XYLT1: variants seen among roughly 807,000 people sequenced by gnomAD.
XYLT1 encodes the protein beta-D-xylosyltransferase 1.
A neutral mutation model predicts 91.3 loss-of-function variants in XYLT1; 36 were observed. That is an observed-to-expected ratio of 0.39 (90% CI 0.30 to 0.52). XYLT1 has a LOEUF of 0.52. Ranked by LOEUF, XYLT1 falls within the 20% of genes least tolerant of loss-of-function variation. The pLI is 0.68. For missense variants in XYLT1, 1,242 were observed against 1,284.5 expected, an observed-to-expected ratio of 0.97 and a Z score of 0.51; for synonymous variants, 588 against 532.0, an observed-to-expected ratio of 1.11 and a Z score of -1.45.
intron 6 of XYLT1, among the ~76,000 whole-genome samples, chr16:17,151,726 G>T (rs2031287853): frequency 6.6e-6 from 1 of 152,190 alleles, no homozygotes; most frequent in Non-Finnish European, 1.5e-5. Flanking sequence ...AGCTAGGGAG[G>T]CAGCTCAGAT....
At chr16:17,439,207 GCAT>G (rs922635216) in intron 1 of XYLT1, among the ~76,000 whole-genome samples, 5 of 152,148 alleles carry the variant, frequency 3.3e-5, no homozygotes, top group Non-Finnish European at 7.4e-5. Context: ...TCTTCCTCCT[GCAT>G]CCATGGTGGA....
At position 17,208,285 on chromosome 16, in the gene XYLT1, C is replaced by T. The variant is rs143020618; in HGVS notation, c.914-7631G>A. 2.2e-3 allele frequency among the ~76,000 whole-genome samples: 341 copies of T among 152,060 alleles called. 1 individual carries two copies. Among genetic ancestry groups the T allele is most frequent in the African/African-American group, 7.8e-3 (324 of 41,458 alleles). On this transcript the variant is annotated intron_variant, in intron 3 of 11. Transcript: ENST00000261381. Reference sequence around the variant, plus strand: ...GGTGTGAGCTACTGTGCCTGGCCCCCATCCCTTCTTTGAGTTCCCTGTCAC... The same window carrying T: ...GGTGTGAGCTACTGTGCCTGGCCCCTATCCCTTCTTTGAGTTCCCTGTCAC...
intron 1 of XYLT1, among the ~76,000 whole-genome samples, chr16:17,443,354 G>A (rs965142342): frequency 1.3e-5 from 2 of 152,176 alleles, no homozygotes; most frequent in African/African-American, 4.8e-5. Context: ...CCCGTGTCGA[G>A]GGAGGGACCT....
At chr16:17,171,818 T>C (rs879651531) in intron 5 of XYLT1, among the ~76,000 whole-genome samples, 2 of 152,212 alleles carry the variant, frequency 1.3e-5, no homozygotes, top group African/African-American at 2.4e-5. Context: ...GGGTAAAATT[T>C]CAATTGTGCA....
chr16:17,134,425 C>A, intron 9 of XYLT1, 48 bp downstream of exon 9: 1 of 1,603,454 alleles, frequency 6.2e-7, no homozygotes, highest in Non-Finnish European at 8.5e-7. Context: ...CCCTGAGCCT[C>A]CCCTCCTGCT....
intron 2 of XYLT1, among the ~76,000 whole-genome samples, chr16:17,288,672 C>T (rs969973050): frequency 1.3e-5 from 2 of 152,138 alleles, no homozygotes; most frequent in African/African-American, 4.8e-5. Context: ...GTCTTGGAAC[C>T]CTGTCACTGC....
Position 17,108,032 on chromosome 16 carries a change from G to C in XYLT1, c.*663C>G, listed in dbSNP as rs1966801394. On this transcript the variant is annotated 3_prime_UTR_variant, in exon 12 of 12. Coordinates refer to ENST00000261381, the MANE Select transcript of XYLT1 (RefSeq NM_022166.4). The stretch of plus-strand genomic sequence containing the variant: ...CTGAGAGGCTCAGAGCTCTCCTAAG[G>C]CTGCAGCCTCCATGGGAAAGGGCCC... The C allele has an allele frequency of 1.3e-5, 2 of 152,626 alleles. No individual in the cohort carries two copies. Among genetic ancestry groups the C allele is most frequent in the African/African-American group, 2.4e-5 (1 of 41,424 alleles). 9.5% of individuals were successfully genotyped at this position (152,626 alleles called of 1,614,324 possible).
chr16:17,313,118 G>A (rs1208524400), intron 2 of XYLT1, among the ~76,000 whole-genome samples: 1 of 152,200 alleles, frequency 6.6e-6, no homozygotes, highest in Non-Finnish European at 1.5e-5. Flanking sequence ...CTGCTCTCAG[G>A]TTTCTGGTCT....
intron 2 of XYLT1, among the ~76,000 whole-genome samples, chr16:17,333,308 A>G (rs2034928368): frequency 6.6e-6 from 1 of 152,226 alleles, no homozygotes; most frequent in Non-Finnish European, 1.5e-5. Context: ...CCATATGGAA[A>G]AAGTATCAAA....
At chr16:17,142,482 G>A (rs1401069003) in intron 6 of XYLT1, among the ~76,000 whole-genome samples, 1 of 142,334 alleles carries the variant, frequency 7.0e-6, no homozygotes, top group Non-Finnish European at 1.5e-5. Flanking sequence ...AGCTCAGGCT[G>A]GAGTGCAGTG....
chr16:17,459,084 G>A (rs2036781762), intron 1 of XYLT1, among the ~76,000 whole-genome samples: 2 of 152,086 alleles, frequency 1.3e-5, no homozygotes, highest in South Asian at 4.1e-4. Flanking sequence ...CAATATTTAA[G>A]AAGTGAGCCA....
At chr16:17,241,250 C>T (rs1321283331) in intron 3 of XYLT1, among the ~76,000 whole-genome samples, 4 of 152,232 alleles carry the variant, frequency 2.6e-5, no homozygotes, top group Non-Finnish European at 5.9e-5. Flanking sequence ...TTCCTGTGTT[C>T]ACGGCAATAA....
chr16:17,132,454 C>T (rs1456369374), intron 9 of XYLT1, among the ~76,000 whole-genome samples: 1 of 150,934 alleles, frequency 6.6e-6, no homozygotes, highest in Non-Finnish European at 1.5e-5. Context: ...CCATCACACA[C>T]AGCAGGTTCA....
At chr16:17,378,660 T>G (rs2035632805) in intron 1 of XYLT1, among the ~76,000 whole-genome samples, 2 of 152,236 alleles carry the variant, frequency 1.3e-5, no homozygotes, top group African/African-American at 4.8e-5. Context: ...CTTAACTCTT[T>G]GTAACTCATG....
At chr16:17,345,438 C>G (rs1467104319) in intron 2 of XYLT1, among the ~76,000 whole-genome samples, 2 of 152,210 alleles carry the variant, frequency 1.3e-5, no homozygotes, top group African/African-American at 4.8e-5. Flanking sequence ...CACAGGGATG[C>G]AGGAGGCAGT....
At chr16:17,143,085 T>C (rs2031029324) in intron 6 of XYLT1, among the ~76,000 whole-genome samples, 1 of 152,168 alleles carries the variant, frequency 6.6e-6, no homozygotes, top group South Asian at 2.1e-4. Flanking sequence ...ATTTTGTAGA[T>C]GCAGAAACCA....
intron 3 of XYLT1, among the ~76,000 whole-genome samples, chr16:17,248,860 G>A (rs1302515003): frequency 6.7e-6 from 1 of 148,882 alleles, no homozygotes; most frequent in African/African-American, 2.5e-5. Flanking sequence ...CAATTCTCAT[G>A]CCTTAGCCTC....
rs1223083906 is a variant in XYLT1 at position 17,111,697 on chromosome 16, C to A, written c.2558-2680G>T. On this transcript the variant is annotated intron_variant, in intron 11 of 11. Transcript: ENST00000261381. ...TTGCCTTGACTAACACAGACAAGAT[C>A]GCCACTCCTTCAATTCCCAATGCCC... 7.2e-5 allele frequency among the ~76,000 whole-genome samples: 11 copies of A among 152,280 alleles called. No homozygotes were observed. In the East Asian group the frequency reaches 1.9e-3, roughly 27 times the overall value.
intron 5 of XYLT1, among the ~76,000 whole-genome samples, chr16:17,174,856 C>CA (rs1346993398): frequency 2.0e-5 from 3 of 152,186 alleles, no homozygotes; most frequent in Non-Finnish European, 4.4e-5. Flanking sequence ...CTGCAACCTC[C>CA]ACCTCCTGGG....
Sources: gnomAD v4.1 joint callset for allele counts (sites outside exome capture counted in the v4.1 genomes callset) on GRCh38, gnomAD v4.1.1 for gene constraint, MANE v1.5 for transcripts, NCBI Gene and HGNC (gene_info 2026-07-23, HGNC 2026-07-21) for gene names.